LZTS1: variants seen among roughly 807,000 people sequenced by gnomAD.
The protein encoded by LZTS1 is leucine zipper putative tumor suppressor 1.
Under a neutral mutation model 45.8 loss-of-function variants are expected in LZTS1, and 31 were observed. That is an observed-to-expected ratio of 0.68 (90% confidence interval 0.51 to 0.91). The LOEUF (loss-of-function observed/expected upper bound fraction) is 0.91, where lower values mean the gene tolerates loss of function less well. Ranked by LOEUF, LZTS1 falls within the 40% of genes least tolerant of loss-of-function variation. The probability of loss-of-function intolerance (pLI) is 0.00; values close to 1 mark genes in which losing one functional copy is unlikely to be tolerated. For missense variants in LZTS1, 821 were observed against 788.9 expected (o/e 1.04, Z -0.49); for synonymous variants, 359 against 357.3 (o/e 1.00, Z -0.05).
At chr8:20,251,954 A>G (rs1249319050) in intron 3 of LZTS1, among the ~76,000 whole-genome samples, 1 of 152,156 alleles carries the variant, frequency 6.6e-6, no homozygotes. Flanking sequence ...ACTTGCACAT[A>G]GCCAGGGGTT....
intron 1 of LZTS1, among the ~76,000 whole-genome samples, chr8:20,258,614 G>A (rs546599659): frequency 6.6e-6 from 1 of 152,250 alleles, no homozygotes; most frequent in East Asian, 1.9e-4. Flanking sequence ...GTATACTCGA[G>A]GAAATACAGT....
At chr8:20,266,101 C>A (rs918232067) in intron 1 of LZTS1, among the ~76,000 whole-genome samples, 2 of 151,974 alleles carry the variant, frequency 1.3e-5, no homozygotes, top group Non-Finnish European at 2.9e-5. Context: ...TAGCCCACTG[C>A]AACCTCAACC....
chr8:20,294,287 GC>G (rs1252966676), intron 1 of LZTS1, among the ~76,000 whole-genome samples: 1 of 152,238 alleles, frequency 6.6e-6, no homozygotes, highest in African/African-American at 2.4e-5. Context: ...GAAGCCAAAT[GC>G]CTGGTGCTTC....
At position 20,250,007 on chromosome 8, in the gene LZTS1, C is replaced by T. The variant is rs1261589991; in HGVS notation, c.1506G>A (p.Arg502=). 1 of 1,613,062 alleles carries T rather than the reference C, an allele frequency of 6.2e-7. No homozygotes were observed. Residue 502 remains arginine (R), a synonymous_variant, in exon 4 of 4, where the codon CGG becomes CGA. Transcript: ENST00000381569. ...GCTCGGCCCGCAGCCGCTCCAGCTC[C>T]CGCTGCAGGGCAGGGACGTCCTCGG... is the stretch of plus-strand genomic sequence containing the variant. ...TFPEDVPALQ[R]ELERLRAELR...
Position 20,253,347 on chromosome 8 carries a change from G to A in LZTS1, c.584C>T (p.Pro195Leu), listed in dbSNP as rs1395055922. ...HSTSSSYQLD[P>L]LVTPVGPTSR... ...TGTGGGTCCCACGGGTGTGACCAGC[G>A]GGTCCAGCTGGTAGCTGCTGCTGGT... is the stretch of plus-strand genomic sequence containing the variant. The change falls in exon 3 of 4, where the codon CCG becomes CTG. Residue 195 changes from proline to leucine, a missense_variant. Physicochemically the swap from Pro to Leu is moderately conservative, Grantham distance 98. Coordinates refer to ENST00000381569, the MANE Select transcript of LZTS1 (RefSeq NM_021020.5). 4 of 1,613,392 alleles carry A rather than the reference G, an allele frequency of 2.5e-6. No homozygotes were observed. The highest frequency in any genetic ancestry group is 3.3e-5 in the Admixed American group (2 of 60,002).
At chr8:20,253,693 G>A (rs1427722481) in intron 2 of LZTS1, 108 bp from the exon 3 acceptor site, 3 of 777,354 alleles carry the variant, frequency 3.9e-6, no homozygotes, top group South Asian at 2.3e-5. Context: ...CTCTCTGAGC[G>A]CACGCAGCAC....
At chr8:20,283,902 A>G (rs1217003038) in intron 1 of LZTS1, among the ~76,000 whole-genome samples, 1 of 152,162 alleles carries the variant, frequency 6.6e-6, no homozygotes, top group Non-Finnish European at 1.5e-5. Flanking sequence ...CAGGCCTAGG[A>G]TCAATGGAAA....
chr8:20,260,381 C>CA (rs1210850779), intron 1 of LZTS1, among the ~76,000 whole-genome samples: 1 of 151,936 alleles, frequency 6.6e-6, no homozygotes, highest in African/African-American at 2.4e-5. Context: ...GCTCCTAGAA[C>CA]AAAAAAAGGG....
intron 1 of LZTS1, among the ~76,000 whole-genome samples, chr8:20,259,232 T>A (rs1363746637): frequency 6.6e-6 from 1 of 152,070 alleles, no homozygotes; most frequent in African/African-American, 2.4e-5. Context: ...ATTTACAAAC[T>A]GAAAATATTA....
intron 1 of LZTS1, among the ~76,000 whole-genome samples, chr8:20,268,177 C>CCCCCAA (rs1800399844): frequency 7.2e-6 from 1 of 138,954 alleles, no homozygotes; most frequent in African/African-American, 2.8e-5. Flanking sequence ...CCCACCCCCA[C>CCCCCAA]CCCCACTCCC....
At chr8:20,289,092 C>T (rs1341186022) in intron 1 of LZTS1, 1 of 136,888 alleles carries the variant, frequency 7.3e-6, no homozygotes, top group Non-Finnish European at 1.6e-5. Flanking sequence ...CTTCACAAGG[C>T]CGTGGGCTCT....
intron 1 of LZTS1, among the ~76,000 whole-genome samples, chr8:20,293,041 C>T (rs772847097): frequency 2.0e-5 from 3 of 152,120 alleles, no homozygotes; most frequent in Admixed American, 6.5e-5. Context: ...TTTGAAGCCT[C>T]GGTCACCCCA....
rs900032041 is a variant in LZTS1, at chr8:20,247,022, A to C, written c.*2700T>G. The C allele has an allele frequency of 2.0e-5, 3 of 152,292 alleles. No individual in the cohort carries two copies. The highest frequency in any genetic ancestry group is 7.2e-5 in the African/African-American group (3 of 41,446). 9.4% of individuals were successfully genotyped at this position (152,292 alleles called of 1,614,324 possible). On this transcript the variant is annotated 3_prime_UTR_variant, in exon 4 of 4. Transcript: ENST00000381569. Reference sequence around the variant, plus strand: ...TTGGACAGGGCAGGAAAGAACACCCACAGGAAGGTGAGGTTGCAAGGTCGC... The same window carrying C: ...TTGGACAGGGCAGGAAAGAACACCCCCAGGAAGGTGAGGTTGCAAGGTCGC...
At chr8:20,280,784 C>T (rs1468415128) in intron 1 of LZTS1, among the ~76,000 whole-genome samples, 2 of 152,158 alleles carry the variant, frequency 1.3e-5, no homozygotes, top group Non-Finnish European at 2.9e-5. Flanking sequence ...CATCCTTCCT[C>T]CTTAGATCCA....
rs189551383 is a variant in LZTS1, at chr8:20,249,624, G to A, written c.*98C>T. The A allele has an allele frequency of 4.9e-5, 71 of 1,434,550 alleles. No individual in the cohort carries two copies. Among genetic ancestry groups the A allele is most frequent in the East Asian group, 2.3e-4 (10 of 43,160 alleles). The allele number at this position is 1,434,550 out of a possible 1,614,324, so 88.9% of individuals were successfully genotyped here. A position where few individuals can be genotyped will look rare whatever the true frequency, so the allele number is the denominator to read the frequency against. Reference sequence around the variant, plus strand: ...CTGGGTCTGTGTCCCAGGGAGTGGCGTCTCTCAGAGGGGTCTGAATTGCTG... The same window carrying A: ...CTGGGTCTGTGTCCCAGGGAGTGGCATCTCTCAGAGGGGTCTGAATTGCTG... On this transcript the variant is annotated 3_prime_UTR_variant, in exon 4 of 4. Transcript: ENST00000381569.
rs552226163 is a variant in LZTS1, at chr8:20,250,066, C to T, written c.1447G>A (p.Ala483Thr). Residue 483 changes from alanine to threonine, a missense_variant, in exon 4 of 4, where the codon GCC becomes ACC. Ala to Thr is a moderately conservative substitution (Grantham distance 58). Coordinates refer to ENST00000381569, the MANE Select transcript of LZTS1 (RefSeq NM_021020.5). ...QELQELRAQA[A>T]LARDMGPPTF... Reference sequence around the variant, plus strand: ...GGCGGCCCCATGTCGCGGGCCAGGGCGGCCTGGGCCCGCAGCTCCTGCAGC... The same window carrying T: ...GGCGGCCCCATGTCGCGGGCCAGGGTGGCCTGGGCCCGCAGCTCCTGCAGC... 26 of 1,607,300 alleles carry T rather than the reference C, an allele frequency of 1.6e-5. No homozygotes were observed. Among genetic ancestry groups the T allele is most frequent in the Middle Eastern group, 1.7e-4 (1 of 6,044 alleles).
rs1259605295 is a variant in LZTS1, at chr8:20,249,933, T to C, written c.1580A>G (p.His527Arg). The change falls in exon 4 of 4, where the codon CAT becomes CGT. Residue 527 changes from histidine (H) to arginine (R), a missense_variant. Transcript: ENST00000381569. ...CTCCTCCTTCCACACGAGCCGCTCATGCTGGAAGCCCGAGGACATCTGGTC... is the reference window on the plus strand; with the variant it reads ...CTCCTCCTTCCACACGAGCCGCTCACGCTGGAAGCCCGAGGACATCTGGTC... ...GHDQMSSGFQ[H>R]ERLVWKEEKE... 1.9e-6 allele frequency: 3 copies of C among 1,614,184 alleles called. No homozygotes were observed. Among genetic ancestry groups the C allele is most frequent in the African/African-American group, 2.7e-5 (2 of 75,064 alleles).
intron 1 of LZTS1, among the ~76,000 whole-genome samples, chr8:20,268,587 A>G (rs1800410574): frequency 6.6e-6 from 1 of 152,188 alleles, no homozygotes; most frequent in Non-Finnish European, 1.5e-5. Flanking sequence ...ATCTCAGCCC[A>G]GGCTGCAAAC....
chr8:20,303,451 G>A (rs978695128), intron 1 of LZTS1, among the ~76,000 whole-genome samples: 16 of 152,314 alleles, frequency 1.1e-4, no homozygotes, highest in African/African-American at 3.8e-4. Flanking sequence ...TCGGTGCTGG[G>A]AATAGACGAA....
Sources: gnomAD v4.1 joint callset for allele counts (sites outside exome capture counted in the v4.1 genomes callset) on GRCh38, gnomAD v4.1.1 for gene constraint, MANE v1.5 for transcripts, NCBI Gene and HGNC (gene_info 2026-07-23, HGNC 2026-07-21) for gene names.